Variants in PLCB1 observed in about 807,000 individuals in gnomAD.
PLCB1 encodes the protein phospholipase C beta 1, also known as 1-phosphatidylinositol 4,5-bisphosphate phosphodiesterase beta-1.
Under a neutral mutation model 161.8 loss-of-function variants are expected in PLCB1, and 46 were observed. That is an observed-to-expected ratio of 0.28 (90% confidence interval 0.22 to 0.36). PLCB1 has a LOEUF of 0.36. PLCB1 is among the 10% of genes least tolerant of loss of function. The pLI is 1.00. For synonymous variants in PLCB1, 517 were observed against 503.7 expected, an observed-to-expected ratio of 1.03 and a Z score of -0.35; for missense variants, 1,016 against 1,472.5, an observed-to-expected ratio of 0.69 and a Z score of 5.07.
intron 31 of PLCB1, among the ~76,000 whole-genome samples, chr20:8,869,456 G>GT (rs1323628665): frequency 1.3e-5 from 2 of 152,172 alleles, no homozygotes; most frequent in Non-Finnish European, 2.9e-5. Flanking sequence ...GGCCTGCTGA[G>GT]TAGCATAATT....
chr20:8,296,155 G>A (rs1983619599), intron 2 of PLCB1, among the ~76,000 whole-genome samples: 1 of 152,130 alleles, frequency 6.6e-6, no homozygotes, highest in South Asian at 2.1e-4. Context: ...GTGGTGTTCT[G>A]TCAGTAATTA....
intron 2 of PLCB1, among the ~76,000 whole-genome samples, chr20:8,258,284 CAAAGA>C (rs1395084416): frequency 1.3e-5 from 2 of 152,072 alleles, no homozygotes; most frequent in Non-Finnish European, 2.9e-5. Context: ...AATTATGCCA[CAAAGA>C]AAAGAAAGTG....
intron 1 of PLCB1, among the ~76,000 whole-genome samples, chr20:8,135,469 A>AG (rs2051335766): frequency 6.6e-6 from 1 of 152,148 alleles, no homozygotes; most frequent in South Asian, 2.1e-4. Context: ...GGATGCTCTA[A>AG]GGGTGGTAGT....
chr20:8,196,697 C>T (rs934250859), intron 2 of PLCB1, among the ~76,000 whole-genome samples: 7 of 150,782 alleles, frequency 4.6e-5, no homozygotes, highest in Non-Finnish European at 8.9e-5. Flanking sequence ...ACTTTAAGTT[C>T]TAGGGTACAT....
chr20:8,353,516 T>C (rs1294281206), intron 2 of PLCB1, among the ~76,000 whole-genome samples: 1 of 152,050 alleles, frequency 6.6e-6, no homozygotes, highest in Non-Finnish European at 1.5e-5. Context: ...ACTGCCTCAG[T>C]CAGCTGACCA....
chr20:8,183,613 A>G (rs2051870289), intron 2 of PLCB1, among the ~76,000 whole-genome samples: 1 of 152,214 alleles, frequency 6.6e-6, no homozygotes, highest in Non-Finnish European at 1.5e-5. Context: ...TTAGTTTTAT[A>G]AGTGTGGCTT....
Position 8,386,414 on chromosome 20 carries a change from A to G in PLCB1, c.246+14964A>G, listed in dbSNP as rs1987428230. 2.0e-5 allele frequency among the ~76,000 whole-genome samples: 3 copies of G among 152,204 alleles called. No individual in the cohort carries two copies. The South Asian group carries it at 6.2e-4, about 31-fold the overall frequency. On this transcript the variant is annotated intron_variant, in intron 3 of 31. Coordinates refer to ENST00000338037, the MANE Select transcript of PLCB1 (RefSeq NM_015192.4). ...TTTGTGGCCAGGTGCATTGTCAATG[A>G]GCATTAATATTTTGAAAGGAATCCT...
chr20:8,619,016 G>A (rs79947233), intron 3 of PLCB1, among the ~76,000 whole-genome samples: 9 of 152,206 alleles, frequency 5.9e-5, no homozygotes, highest in African/African-American at 1.9e-4. Context: ...CAGCAAATAC[G>A]TATTCACATC....
chr20:8,272,236 G>A (rs916031453), intron 2 of PLCB1, among the ~76,000 whole-genome samples: 1 of 152,110 alleles, frequency 6.6e-6, no homozygotes, highest in African/African-American at 2.4e-5. Flanking sequence ...TTTCATATTG[G>A]TAAGTAGAGT....
chr20:8,132,579 G>T lies in PLCB1; in HGVS notation c.-73G>T. 1.0e-6 allele frequency: 1 copy of T among 961,954 alleles called. No homozygotes were observed. The highest frequency in any genetic ancestry group is 1.4e-6 in the Non-Finnish European group (1 of 689,938). 59.6% of individuals were successfully genotyped at this position (961,954 alleles called of 1,614,324 possible). On this transcript the variant is annotated 5_prime_UTR_variant, in exon 1 of 32. Transcript: ENST00000338037. The surrounding 1 kb of genome is among the most constrained non-coding windows in gnomAD (Gnocchi z 5.2). ...GCAGAGAAAGGAGCCCGCGCCCCGC[G>T]CCCCGCGCCCCGCGCACGGTCCCCA...
intron 3 of PLCB1, among the ~76,000 whole-genome samples, chr20:8,569,024 G>A (rs551256989): frequency 6.6e-6 from 1 of 152,324 alleles, no homozygotes; most frequent in South Asian, 2.1e-4. Flanking sequence ...AGGGAGCAGA[G>A]GTAGTTATCC....
At chr20:8,354,830 T>C (rs1986310034) in intron 2 of PLCB1, among the ~76,000 whole-genome samples, 1 of 152,228 alleles carries the variant, frequency 6.6e-6, no homozygotes, top group Non-Finnish European at 1.5e-5. Flanking sequence ...TGGTTTTCTG[T>C]CAATGACTTG....
At chr20:8,309,570 T>C (rs938436883) in intron 2 of PLCB1, among the ~76,000 whole-genome samples, 102 of 152,158 alleles carry the variant, frequency 6.7e-4, no homozygotes, top group African/African-American at 2.3e-3. Flanking sequence ...AAATGAGAAA[T>C]AGAAGTCCCA....
At chr20:8,519,935 TCTATATTATAAGAAATTCTGA>T (rs1490085329) in intron 3 of PLCB1, among the ~76,000 whole-genome samples, 6 of 152,196 alleles carry the variant, frequency 3.9e-5, no homozygotes, top group Non-Finnish European at 7.3e-5. Context: ...TTTAAGCGTC[TCTATATTATAAGAAATTCTGA>T]CTCAGGCTAC....
At chr20:8,369,738 A>G (rs1023100766) in intron 2 of PLCB1, among the ~76,000 whole-genome samples, 1 of 152,132 alleles carries the variant, frequency 6.6e-6, no homozygotes, top group African/African-American at 2.4e-5. Context: ...AACCCTCTAA[A>G]ATGGGGAAAA....
At chr20:8,591,744 A>G (rs892311950) in intron 3 of PLCB1, among the ~76,000 whole-genome samples, 5 of 152,130 alleles carry the variant, frequency 3.3e-5, no homozygotes, top group Admixed American at 6.5e-5. Flanking sequence ...TTTGCTTCAG[A>G]TTGTATACCT....
intron 3 of PLCB1, among the ~76,000 whole-genome samples, chr20:8,596,978 C>A (rs1299300048): frequency 1.3e-5 from 2 of 149,862 alleles, no homozygotes; most frequent in Non-Finnish European, 1.5e-5. Context: ...GCTGAAGTTG[C>A]TTATCAGCTT....
intron 8 of PLCB1, among the ~76,000 whole-genome samples, chr20:8,657,686 T>G (rs541273369): frequency 1.3e-5 from 2 of 152,150 alleles, no homozygotes; most frequent in African/African-American, 4.8e-5. Context: ...CTAAGAACCC[T>G]CTCAGCTGAA....
intron 3 of PLCB1, among the ~76,000 whole-genome samples, chr20:8,619,234 C>T (rs1414161929): frequency 6.6e-6 from 1 of 152,028 alleles, no homozygotes; most frequent in Non-Finnish European, 1.5e-5. Flanking sequence ...GCCTGACCAA[C>T]ATGGTGAAAC....
Sources: gnomAD v4.1 joint callset for allele counts (sites outside exome capture counted in the v4.1 genomes callset) on GRCh38, gnomAD v4.1.1 for gene constraint, Gnocchi (gnomAD v3.1) non-coding constraint, MANE v1.5 for transcripts, NCBI Gene and HGNC (gene_info 2026-07-23, HGNC 2026-07-21) for gene names.